The following ANP32B variants were observed in gnomAD, a reference collection of about 807,000 sequenced individuals.
ANP32B encodes acidic nuclear phosphoprotein 32 family member B.
Under a neutral mutation model 32.2 loss-of-function variants are expected in ANP32B, and 6 were observed. That is an observed-to-expected ratio of 0.19 (90% CI 0.10 to 0.37). ANP32B has a LOEUF of 0.37. Among genes scored for constraint, ANP32B ranks in the 10% least tolerant of loss-of-function variants. ANP32B has a pLI of 1.00. For synonymous variants in ANP32B, 98 were observed against 105.8 expected (o/e 0.93, Z 0.45); for missense variants, 204 against 289.2 (o/e 0.71, Z 2.14).
In ANP32B at chr9:97,994,683, G is replaced by T; in HGVS notation, c.107G>T (p.Gly36Val). Residue 36 changes from glycine to valine, a missense_variant, in exon 2 of 7, where the codon GGC becomes GTC. Coordinates refer to ENST00000339399, the MANE Select transcript of ANP32B (RefSeq NM_006401.3). ...NCKSNDGKIE[G>V]LTAEFVNLEF... ...AAATCAAATGATGGAAAAATTGAGG[G>T]CTTAACAGCTGAATTTGTGAACTTA... The T allele has an allele frequency of 6.2e-7, 1 of 1,611,706 alleles. No individual in the cohort carries two copies. The highest frequency in any genetic ancestry group is 8.5e-7 in the Non-Finnish European group (1 of 1,179,408).
chr9:98,010,077 A>T (rs911492828), intron 4 of ANP32B, among the ~76,000 whole-genome samples: 2 of 152,156 alleles, frequency 1.3e-5, no homozygotes, highest in African/African-American at 4.8e-5. Flanking sequence ...GAACAGCCAC[A>T]TGTGCAAGAG....
intron 3 of ANP32B, among the ~76,000 whole-genome samples, chr9:98,001,278 G>A (rs891477968): frequency 4.7e-5 from 7 of 149,062 alleles, no homozygotes; most frequent in Admixed American, 1.4e-4. Context: ...TGCAAGCTCC[G>A]CCTTCTGGGT....
chr9:98,015,263 T>C, intron 6 of ANP32B, 101 bp from the exon 7 acceptor site: 1 of 1,492,736 alleles, frequency 6.7e-7, no homozygotes, highest in Non-Finnish European at 9.0e-7. Flanking sequence ...CATTGTTTTA[T>C]CTCCTAACTG....
Position 97,994,880 on chromosome 9 carries a change from G to A in ANP32B, c.204+100G>A, listed in dbSNP as rs891630608. ...GCACTTAGTGTAGCAGAAAGCACAT[G>A]GCCTTTGGAACTGGGCAGATATGGG... On this transcript the variant is annotated intron_variant, in intron 2 of 6. Transcript: ENST00000339399. The A allele has an allele frequency of 1.2e-5, 15 of 1,224,374 alleles. No individual in the cohort carries two copies. The African/African-American group carries it at 2.0e-4, about 16-fold the overall frequency. 75.8% of individuals were successfully genotyped at this position (1,224,374 alleles called of 1,614,324 possible). A position where few individuals can be genotyped will look rare whatever the true frequency, so the allele number is the denominator to read the frequency against.
chr9:98,000,987 C>T (rs1357419564), intron 3 of ANP32B, among the ~76,000 whole-genome samples: 1 of 151,606 alleles, frequency 6.6e-6, no homozygotes, highest in East Asian at 1.9e-4. Flanking sequence ...CTCTTCTTCT[C>T]TTTCCACCTG....
chr9:97,989,540 A>G lies in ANP32B; in HGVS notation c.55-5091A>G, dbSNP rs142147668. Reference sequence around the variant, plus strand: ...AATAGATCCCTCAGATTTAAGCACAAATGAACAAGTGCCTGCCTAACTTTC... The same window carrying G: ...AATAGATCCCTCAGATTTAAGCACAGATGAACAAGTGCCTGCCTAACTTTC... On this transcript the variant is annotated intron_variant, in intron 1 of 6. Coordinates refer to ENST00000339399, the MANE Select transcript of ANP32B (RefSeq NM_006401.3). 1.4e-3 allele frequency among the ~76,000 whole-genome samples: 214 copies of G among 152,264 alleles called. 2 individuals are homozygous for G. Among genetic ancestry groups the G allele is most frequent in the South Asian group, 8.3e-4 (4 of 4,808 alleles).
intron 1 of ANP32B, among the ~76,000 whole-genome samples, chr9:97,989,575 T>C (rs1039969687): frequency 6.6e-6 from 1 of 152,168 alleles, no homozygotes; most frequent in East Asian, 1.9e-4. Flanking sequence ...CTTCATTAGA[T>C]AGCAGCTCTG....
chr9:98,011,182 G>A lies in ANP32B; in HGVS notation c.518-89G>A, dbSNP rs941212002. The A allele has an allele frequency of 2.0e-6, 3 of 1,489,726 alleles. No individual in the cohort carries two copies. The African/African-American group carries it at 4.2e-5, about 21-fold the overall frequency. The allele number at this position is 1,489,726 out of a possible 1,614,324, so 92.3% of individuals were successfully genotyped here. On this transcript the variant is annotated intron_variant, in intron 4 of 6. Coordinates refer to ENST00000339399, the MANE Select transcript of ANP32B (RefSeq NM_006401.3). The stretch of plus-strand genomic sequence containing the variant: ...TGCAGTTCGTGGCCTTACAGCATTT[G>A]TTCTGTGAGCCAGCCCACAGATCCT...
At chr9:97,989,066 A>G (rs983450408) in intron 1 of ANP32B, among the ~76,000 whole-genome samples, 3 of 152,212 alleles carry the variant, frequency 2.0e-5, no homozygotes, top group Non-Finnish European at 2.9e-5. Flanking sequence ...ATTGAAGAGA[A>G]TGAAAGGAAA....
intron 3 of ANP32B, among the ~76,000 whole-genome samples, chr9:97,999,221 C>A (rs1259512292): frequency 6.6e-6 from 1 of 152,124 alleles, no homozygotes; most frequent in Admixed American, 6.6e-5. Flanking sequence ...GTGGTGGCAT[C>A]CTTCAGAAGA....
chr9:97,994,201 A>C (rs2131583846), intron 1 of ANP32B, among the ~76,000 whole-genome samples: 1 of 152,322 alleles, frequency 6.6e-6, no homozygotes. Flanking sequence ...TCTTGATAGG[A>C]AACATAAAGC....
chr9:97,991,422 G>GT (rs1048097728), intron 1 of ANP32B, among the ~76,000 whole-genome samples: 5 of 152,038 alleles, frequency 3.3e-5, no homozygotes, highest in South Asian at 2.1e-4. Context: ...GCCTTGAACA[G>GT]TTTTTTTTAG....
At position 98,015,854 on chromosome 9, in the gene ANP32B, A is replaced by AT. The variant is rs57714507; in HGVS notation, c.*431dup. On this transcript the variant is annotated 3_prime_UTR_variant, in exon 7 of 7. Coordinates refer to ENST00000339399, the MANE Select transcript of ANP32B (RefSeq NM_006401.3). ...GCTTTGCTTTTTAATTATTATTATT[A>AT]TTTTTTTTACATTAGGACATTTTAT... 0.018 allele frequency: 17,741 copies of AT among 961,778 alleles called. 2,242 individuals are homozygous for AT. The African/African-American group carries it at 0.28, about 15-fold the overall frequency. The allele number at this position is 961,778 out of a possible 1,614,324, so 59.6% of individuals were successfully genotyped here.
intron 1 of ANP32B, among the ~76,000 whole-genome samples, chr9:97,985,359 T>C (rs1461592353): frequency 6.6e-6 from 1 of 152,114 alleles, no homozygotes; most frequent in African/African-American, 2.4e-5. Flanking sequence ...GGCGCTGTCC[T>C]TCCCGGAGGG....
At chr9:97,989,794 A>G (rs913998603) in intron 1 of ANP32B, among the ~76,000 whole-genome samples, 1 of 152,236 alleles carries the variant, frequency 6.6e-6, no homozygotes, top group Non-Finnish European at 1.5e-5. Context: ...GATGAGGCTT[A>G]GTTACCTCTG....
intron 6 of ANP32B, 76 bp from the exon 7 acceptor site, chr9:98,015,288 G>T (rs1213945946): frequency 1.3e-6 from 2 of 1,529,702 alleles, no homozygotes. Context: ...AAACTTTGTT[G>T]TTGTTGCCTC....
At position 97,996,387 on chromosome 9, in the gene ANP32B, A is replaced by G. The variant is rs533384693; in HGVS notation, c.204+1607A>G. ...CAGAATTCTGAATAGAGCTTGTTTG[A>G]GTTCTGAGAAGGACAGGGTTTTTGT... On this transcript the variant is annotated intron_variant, in intron 2 of 6. Transcript: ENST00000339399. Among the ~76,000 whole-genome samples the G allele has an allele frequency of 3.5e-4, 53 of 152,268 alleles. 1 individual carries two copies. The South Asian group carries it at 9.5e-3, about 27-fold the overall frequency.
chr9:97,984,820 A>G (rs2131578002), intron 1 of ANP32B: 1 of 149,758 alleles, frequency 6.7e-6, no homozygotes, highest in South Asian at 2.1e-4. Flanking sequence ...GGGCAACGGC[A>G]GGCGGCCGCC....
intron 4 of ANP32B, 184 bp downstream of exon 4, chr9:98,005,337 G>C: frequency 2.4e-6 from 1 of 423,074 alleles, no homozygotes; most frequent in South Asian, 3.8e-5. Flanking sequence ...GCAATACCTT[G>C]TTTCTACAGA....
Sources: gnomAD v4.1 joint callset for allele counts (sites outside exome capture counted in the v4.1 genomes callset) on GRCh38, gnomAD v4.1.1 for gene constraint, MANE v1.5 for transcripts, NCBI Gene and HGNC (gene_info 2026-07-23, HGNC 2026-07-21) for gene names.